Variants in ABCC9 observed in about 807,000 individuals in gnomAD.
The protein encoded by ABCC9 is ATP binding cassette subfamily C member 9.
In ABCC9, 95 loss-of-function variants were observed where a neutral mutation model predicts 188.3. That is an observed-to-expected ratio of 0.50 (90% CI 0.43 to 0.60). The LOEUF (loss-of-function observed/expected upper bound fraction) is 0.60. Ranked by LOEUF, ABCC9 falls within the 20% of genes least tolerant of loss-of-function variation. ABCC9 has a pLI of 0.00. For missense variants in ABCC9, 1,102 were observed against 1,876.3 expected (o/e 0.59, Z 7.62); for synonymous variants, 659 against 652.7 (o/e 1.01, Z -0.15).
chr12:21,910,198 A>G lies in ABCC9; in HGVS notation c.1279T>C (p.Phe427Leu), dbSNP rs1485621123. 2 of 1,611,946 alleles carry G rather than the reference A, an allele frequency of 1.2e-6. No homozygotes were observed. The highest frequency in any genetic ancestry group is 1.7e-5 in the Admixed American group (1 of 59,882). ...VAIETNQLMW[F>L]LFLCPNLWAM... ...CATAGATTGGGACACAGGAACAAAA[A>G]CCACATGAGTTGATTAGTTTCAATG... is the stretch of plus-strand genomic sequence containing the variant. The change falls in exon 10 of 40, where the codon TTT (phenylalanine) becomes CTT (leucine). Residue 427 changes from phenylalanine to leucine, a missense_variant. Physicochemically the swap from Phe to Leu is conservative, Grantham distance 22. This residue lies in a region of ABCC9 where 305 missense variants were observed against 573.0 expected (regional missense o/e 0.53). Coordinates refer to ENST00000261200, the MANE Select transcript of ABCC9 (RefSeq NM_020297.4).
At chr12:21,821,734 G>T (rs1943048213) in intron 31 of ABCC9, among the ~76,000 whole-genome samples, 1 of 152,198 alleles carries the variant, frequency 6.6e-6, no homozygotes, top group South Asian at 2.1e-4. Context: ...TTGATTAGAA[G>T]ATAATTTAAA....
chr12:21,909,391 G>T (rs1404684442), intron 10 of ABCC9, among the ~76,000 whole-genome samples: 1 of 151,862 alleles, frequency 6.6e-6, no homozygotes, highest in African/African-American at 2.4e-5. Flanking sequence ...TTAGATGACA[G>T]ATTTTTTCAA....
intron 30 of ABCC9, among the ~76,000 whole-genome samples, chr12:21,835,644 C>A (rs1466401374): frequency 6.6e-6 from 1 of 152,136 alleles, no homozygotes; most frequent in African/African-American, 2.4e-5. Context: ...TCCACAGGAT[C>A]TCTCTTATCT....
chr12:21,858,084 G>C (rs138889226), intron 22 of ABCC9, among the ~76,000 whole-genome samples: 3 of 152,212 alleles, frequency 2.0e-5, no homozygotes, highest in Non-Finnish European at 4.4e-5. Context: ...CAACTTCTTT[G>C]ATTTCCATGA....
chr12:21,883,277 G>A (rs1946709420), intron 15 of ABCC9, among the ~76,000 whole-genome samples: 1 of 152,208 alleles, frequency 6.6e-6, no homozygotes, highest in African/African-American at 2.4e-5. Flanking sequence ...TGGTTTGGCT[G>A]TTGCGGGAGG....
chr12:21,924,924 G>A (rs1294174415), intron 5 of ABCC9: 1 of 152,010 alleles, frequency 6.6e-6, no homozygotes, highest in Non-Finnish European at 1.5e-5. Context: ...ATCATATAAT[G>A]TGACACAACA....
At chr12:21,924,155 G>C in intron 5 of ABCC9, 1 of 270,542 alleles carries the variant, frequency 3.7e-6, no homozygotes, top group African/African-American at 2.2e-5. Flanking sequence ...TGTCATGATA[G>C]TGTTATATAG....
chr12:21,915,091 G>A (rs751967147), intron 7 of ABCC9, among the ~76,000 whole-genome samples: 1 of 151,282 alleles, frequency 6.6e-6, no homozygotes, highest in Non-Finnish European at 1.5e-5. Context: ...AGTAAAGATG[G>A]GGTTTCTCCA....
At chr12:21,842,263 G>A in intron 29 of ABCC9, 51 bp downstream of exon 29, 1 of 1,584,660 alleles carries the variant, frequency 6.3e-7, no homozygotes, top group Non-Finnish European at 8.6e-7. Flanking sequence ...GAATAGAGAG[G>A]GCTGACTGTA....
chr12:21,876,767 T>C (rs918894391), intron 16 of ABCC9, among the ~76,000 whole-genome samples: 2 of 152,250 alleles, frequency 1.3e-5, no homozygotes, highest in Admixed American at 6.5e-5. Flanking sequence ...CATAAACTAA[T>C]GTTTTATTTC....
intron 21 of ABCC9, 94 bp from the exon 22 acceptor site, chr12:21,859,760 T>C (rs1277873678): frequency 9.6e-7 from 1 of 1,041,168 alleles, no homozygotes; most frequent in African/African-American, 1.6e-5. Flanking sequence ...TTTTTAAAAA[T>C]CTTAGATTGA....
chr12:21,830,908 G>C (rs868528534), intron 30 of ABCC9, among the ~76,000 whole-genome samples: 1 of 152,130 alleles, frequency 6.6e-6, no homozygotes, highest in Admixed American at 6.6e-5. Flanking sequence ...GAGAACAACT[G>C]AAGGGTAGGG....
intron 5 of ABCC9, among the ~76,000 whole-genome samples, chr12:21,918,188 A>G (rs1948675480): frequency 6.6e-6 from 1 of 152,284 alleles, no homozygotes; most frequent in African/African-American, 2.4e-5. Flanking sequence ...GCCGACTTCA[A>G]GACAATTATT....
At chr12:21,895,221 C>A in intron 13 of ABCC9, 54 bp downstream of exon 13, 1 of 1,496,758 alleles carries the variant, frequency 6.7e-7, no homozygotes, top group South Asian at 1.1e-5. Context: ...GCTCATAAAT[C>A]ATTTATAAAC....
In ABCC9 at chr12:21,940,772, A is replaced by G. The variant is rs916450509; in HGVS notation, c.-83T>C. 3.3e-5 allele frequency: 5 copies of G among 152,088 alleles called. No individual in the cohort carries two copies. The highest frequency in any genetic ancestry group is 1.2e-4 in the African/African-American group (5 of 41,396). 9.4% of individuals were successfully genotyped at this position (152,088 alleles called of 1,614,324 possible). A position where few individuals can be genotyped will look rare whatever the true frequency, so the allele number is the denominator to read the frequency against. The stretch of plus-strand genomic sequence containing the variant: ...GGTGCACTTGAGCTACCTTCAAAAC[A>G]CCGACTTCCTACACTGTCTTAAGAT... On this transcript the variant is annotated 5_prime_UTR_variant, in exon 2 of 40. Transcript: ENST00000261200.
In ABCC9 at chr12:21,933,915, T is replaced by TC; in HGVS notation, c.150dup (p.Ser51GlufsTer20). Reference sequence around the variant, plus strand: ...TGAATTTGTACTTTTGAGCTTTGGCTCCCCCACCCTGGAAAAGAGAGAAAA... The same window carrying TC: ...TGAATTTGTACTTTTGAGCTTTGGCTCCCCCCACCCTGGAAAAGAGAGAAAA... On this transcript the variant is annotated frameshift_variant, in exon 4 of 40. Transcript: ENST00000261200. LOFTEE classifies it high-confidence loss of function. 6.2e-7 allele frequency: 1 copy of TC among 1,613,052 alleles called. No individual in the cohort carries two copies. The highest frequency in any genetic ancestry group is 8.5e-7 in the Non-Finnish European group (1 of 1,179,474).
intron 17 of ABCC9, 136 bp downstream of exon 17, chr12:21,875,518 G>A: frequency 1.5e-6 from 1 of 666,712 alleles, no homozygotes; most frequent in Non-Finnish European, 2.6e-6. Flanking sequence ...TGGCTCGCAA[G>A]CACAATAGTG....
intron 12 of ABCC9, among the ~76,000 whole-genome samples, chr12:21,899,515 C>T (rs886527714): frequency 4.6e-5 from 7 of 152,218 alleles, no homozygotes; most frequent in African/African-American, 1.4e-4. Flanking sequence ...GGCGAGGCAT[C>T]GCCTCACCCA....
chr12:21,809,615 G>T lies in ABCC9; in HGVS notation c.4315+237C>A, dbSNP rs538181389. ...TTGTGAAAAGATGGCAGAGATAAAT[G>T]TATTAATTGGAATATTTTGGAGTAG... On this transcript the variant is annotated intron_variant, in intron 37 of 39. Coordinates refer to ENST00000261200, the MANE Select transcript of ABCC9 (RefSeq NM_020297.4). Among the ~76,000 whole-genome samples, 10 of 152,204 alleles carry T rather than the reference G, an allele frequency of 6.6e-5. 1 individual carries two copies. The South Asian group carries it at 2.1e-3, about 32-fold the overall frequency.
Sources: gnomAD v4.1 joint callset for allele counts (sites outside exome capture counted in the v4.1 genomes callset) on GRCh38, gnomAD v4.1.1 for gene constraint, gnomAD v4.1.1 regional missense constraint, MANE v1.5 for transcripts, NCBI Gene and HGNC (gene_info 2026-07-23, HGNC 2026-07-21) for gene names.